The following SMYD3 variants were observed in gnomAD, a reference collection of about 807,000 sequenced individuals.
The protein encoded by SMYD3 is histone-lysine N-methyltransferase SMYD3.
Under a neutral mutation model 57.7 loss-of-function variants are expected in SMYD3, and 36 were observed. The observed-to-expected ratio is 0.62, with a 90% CI of 0.48 to 0.82. The LOEUF is 0.82. Among genes scored for constraint, SMYD3 ranks in the 40% least tolerant of loss-of-function variants. SMYD3 has a pLI of 0.00. For synonymous variants in SMYD3, 211 were observed against 195.0 expected (o/e 1.08, Z -0.68); for missense variants, 515 against 538.8 (o/e 0.96, Z 0.44).
intron 5 of SMYD3, among the ~76,000 whole-genome samples, chr1:246,232,502 G>C (rs115106934): frequency 0.14 from 14,037 of 103,314 alleles, 2,636 homozygotes; most frequent in East Asian, 0.47. Context: ...ATATTCCACA[G>C]AGAGGAGAAG....
chr1:245,856,966 G>A (rs2051274684), intron 10 of SMYD3, among the ~76,000 whole-genome samples: 1 of 152,156 alleles, frequency 6.6e-6, no homozygotes, highest in African/African-American at 2.4e-5. Flanking sequence ...GCCTCTTTTT[G>A]CAACACTAAG....
chr1:245,781,568 T>C (rs551613232), intron 10 of SMYD3, among the ~76,000 whole-genome samples: 3 of 152,186 alleles, frequency 2.0e-5, no homozygotes, highest in East Asian at 3.8e-4. Flanking sequence ...TTCCATCCTC[T>C]CTTATTAGCA....
At chr1:245,962,005 C>T (rs906995334) in intron 5 of SMYD3, among the ~76,000 whole-genome samples, 2 of 152,162 alleles carry the variant, frequency 1.3e-5, no homozygotes, top group African/African-American at 4.8e-5. Context: ...CCTCACTTTG[C>T]AGATGGGCAA....
intron 5 of SMYD3, among the ~76,000 whole-genome samples, chr1:245,939,245 A>ATT (rs1190376324): frequency 3.3e-5 from 5 of 152,310 alleles, no homozygotes; most frequent in African/African-American, 1.2e-4. Context: ...TGTAATGGAC[A>ATT]TTGCTGAAAA....
At chr1:246,130,104 C>T (rs2061565476) in intron 5 of SMYD3, among the ~76,000 whole-genome samples, 1 of 152,114 alleles carries the variant, frequency 6.6e-6, no homozygotes, top group African/African-American at 2.4e-5. Flanking sequence ...GGCAGGTGAC[C>T]ACAGCAAGTC....
intron 5 of SMYD3, among the ~76,000 whole-genome samples, chr1:246,133,750 C>T (rs1572083614): frequency 6.6e-6 from 1 of 152,094 alleles, no homozygotes; most frequent in East Asian, 1.9e-4. Context: ...CATGTGCAAG[C>T]GAGCTGAATG....
intron 5 of SMYD3, among the ~76,000 whole-genome samples, chr1:246,026,923 CAGTT>C (rs1297285118): frequency 2.6e-5 from 4 of 152,156 alleles, no homozygotes; most frequent in African/African-American, 9.7e-5. Context: ...TTGCACAAAA[CAGTT>C]AGCCAACTTG....
intron 5 of SMYD3, among the ~76,000 whole-genome samples, chr1:246,241,603 C>T (rs2063611780): frequency 6.6e-6 from 1 of 152,168 alleles, no homozygotes; most frequent in African/African-American, 2.4e-5. Context: ...TGATGATGGC[C>T]TCATAAAATG....
intron 5 of SMYD3, among the ~76,000 whole-genome samples, chr1:245,955,154 C>T (rs183758132): frequency 1.4e-3 from 207 of 152,236 alleles, no homozygotes; most frequent in Middle Eastern, 3.4e-3. Context: ...TGCAGTGGCG[C>T]GATCTCAGCT....
chr1:245,988,187 C>A (rs1458886460), intron 5 of SMYD3, among the ~76,000 whole-genome samples: 1 of 152,128 alleles, frequency 6.6e-6, no homozygotes, highest in African/African-American at 2.4e-5. Flanking sequence ...ACAAGCCTCC[C>A]CTGCCCAGTC....
chr1:245,938,609 TTTGTACAGAAG>T (rs2147883428), intron 5 of SMYD3, among the ~76,000 whole-genome samples: 1 of 152,344 alleles, frequency 6.6e-6, no homozygotes, highest in African/African-American at 2.4e-5. Context: ...ACACTGTTCC[TTTGTACAGAAG>T]TAGCTCATAA....
intron 11 of SMYD3, among the ~76,000 whole-genome samples, chr1:245,762,744 C>G (rs1361527691): frequency 6.6e-6 from 1 of 152,188 alleles, no homozygotes; most frequent in Non-Finnish European, 1.5e-5. Context: ...TTTTAAGAAT[C>G]CCTTCGGCAT....
intron 1 of SMYD3, among the ~76,000 whole-genome samples, chr1:246,433,398 C>T (rs1046675145): frequency 2.6e-5 from 4 of 152,198 alleles, no homozygotes; most frequent in Admixed American, 6.5e-5. Context: ...CGGTGGCTCA[C>T]GCCTGTAATC....
intron 5 of SMYD3, among the ~76,000 whole-genome samples, chr1:246,069,987 G>T (rs1358665087): frequency 6.6e-6 from 1 of 152,128 alleles, no homozygotes; most frequent in Admixed American, 6.5e-5. Flanking sequence ...AATGAGGCAG[G>T]CTTGTGGAGG....
intron 1 of SMYD3, among the ~76,000 whole-genome samples, chr1:246,454,044 T>C (rs866003752): frequency 1.2e-4 from 18 of 152,124 alleles, no homozygotes; most frequent in South Asian, 2.1e-4. Context: ...AAGAAATTGT[T>C]CACAATGCAA....
At chr1:246,269,556 G>GTTTTTTTTTTTTTTTTTTT (rs2064179641) in intron 5 of SMYD3, among the ~76,000 whole-genome samples, 1 of 107,470 alleles carries the variant, frequency 9.3e-6, no homozygotes, top group Non-Finnish European at 2.0e-5. Flanking sequence ...TTTTTTTTTT[G>GTTTTTTTTTTTTTTTTTTT]TTTTTGTTGT....
chr1:246,442,217 G>T (rs527681922), intron 1 of SMYD3, among the ~76,000 whole-genome samples: 24 of 152,232 alleles, frequency 1.6e-4, no homozygotes, highest in African/African-American at 5.5e-4. Flanking sequence ...TTAGAGGTAT[G>T]GCACAGGCAC....
chr1:245,880,252 C>T (rs1419715063), intron 8 of SMYD3, among the ~76,000 whole-genome samples: 7 of 152,200 alleles, frequency 4.6e-5, no homozygotes, highest in African/African-American at 1.7e-4. Context: ...GTATATGGGG[C>T]AAATATTATT....
intron 5 of SMYD3, among the ~76,000 whole-genome samples, chr1:245,965,330 G>A (rs2058112760): frequency 6.6e-6 from 1 of 152,174 alleles, no homozygotes; most frequent in Admixed American, 6.5e-5. Context: ...CATGTTATTC[G>A]AAAATGGACT....
Sources: gnomAD v4.1 joint callset for allele counts (sites outside exome capture counted in the v4.1 genomes callset) on GRCh38, gnomAD v4.1.1 for gene constraint, MANE v1.5 for transcripts, NCBI Gene and HGNC (gene_info 2026-07-23, HGNC 2026-07-21) for gene names.